The following TMEM161B variants were observed in gnomAD, a reference collection of about 807,000 sequenced individuals.
The protein encoded by TMEM161B is transmembrane protein 161B.
Under a neutral mutation model 61.8 loss-of-function variants are expected in TMEM161B, and 34 were observed. The observed-to-expected ratio is 0.55, with a 90% CI of 0.42 to 0.73. The LOEUF is 0.73. TMEM161B is among the 30% of genes least tolerant of loss of function. The pLI, the probability that TMEM161B is intolerant of heterozygous loss-of-function variation, is 0.00. For missense variants in TMEM161B, 456 were observed against 558.5 expected (o/e 0.82, Z 1.85); for synonymous variants, 167 against 192.8 (o/e 0.87, Z 1.11).
intron 5 of TMEM161B, among the ~76,000 whole-genome samples, chr5:88,213,730 T>C (rs531977204): frequency 6.6e-6 from 1 of 152,288 alleles, no homozygotes; most frequent in South Asian, 2.1e-4. Flanking sequence ...CTCTAGATTT[T>C]TGTCTTGAAA....
downstream of TMEM161B, among the ~76,000 whole-genome samples, chr5:88,191,363 T>C (rs1748831390): frequency 6.6e-6 from 1 of 152,214 alleles, no homozygotes; most frequent in Non-Finnish European, 1.5e-5. Flanking sequence ...TCTTAATTTA[T>C]TGTCTGCATT....
At chr5:88,244,384 T>C (rs1335804767) in intron 1 of TMEM161B, among the ~76,000 whole-genome samples, 1 of 151,680 alleles carries the variant, frequency 6.6e-6, no homozygotes, top group Non-Finnish European at 1.5e-5. Flanking sequence ...CGATTTACTG[T>C]GCAGGAAATC....
At chr5:88,194,465 G>T (rs1428983249), downstream of TMEM161B, among the ~76,000 whole-genome samples, 1 of 152,004 alleles carries the variant, frequency 6.6e-6, no homozygotes, top group African/African-American at 2.4e-5. Flanking sequence ...ATGAGTGCAG[G>T]TCTCTTTTTG....
At position 88,257,635 on chromosome 5, in the gene TMEM161B, C is replaced by A. The variant is rs569093064; in HGVS notation, c.3+11086G>T. On this transcript the variant is annotated intron_variant, in intron 1 of 11. Coordinates refer to ENST00000296595, the MANE Select transcript of TMEM161B (RefSeq NM_153354.5). Reference sequence around the variant, plus strand: ...AAACAGATCATGTTGTCTATGATTGCAATATTTTAGCTAAATACACAATTA... The same window carrying A: ...AAACAGATCATGTTGTCTATGATTGAAATATTTTAGCTAAATACACAATTA... Among the ~76,000 whole-genome samples, 3 of 152,264 alleles carry A rather than the reference C, an allele frequency of 2.0e-5. No homozygotes were observed. The South Asian group carries it at 6.2e-4, about 32-fold the overall frequency.
At position 88,268,718 on chromosome 5, in the gene TMEM161B, C is replaced by T. The variant is rs749699800; in HGVS notation, c.3+3G>A. The T allele has an allele frequency of 2.4e-5, 39 of 1,614,150 alleles. No homozygotes were observed. The highest frequency in any genetic ancestry group is 3.2e-5 in the Non-Finnish European group (38 of 1,180,012). On this transcript the variant is annotated splice_donor_region_variant and intron_variant, in intron 1 of 11. Transcript: ENST00000296595. ...TCACTCCTGCCCTCACAGAAGAACTCACCATGGCGCCTAGGATAGGTCGTG... is the reference window on the plus strand; with the variant it reads ...TCACTCCTGCCCTCACAGAAGAACTTACCATGGCGCCTAGGATAGGTCGTG...
At chr5:88,241,158 T>C (rs894091687) in intron 1 of TMEM161B, among the ~76,000 whole-genome samples, 2 of 151,782 alleles carry the variant, frequency 1.3e-5, no homozygotes, top group Non-Finnish European at 2.9e-5. Flanking sequence ...AAATAGAGTA[T>C]AACTATTAAC....
At chr5:88,201,907 C>A in intron 9 of TMEM161B, 1 of 219,826 alleles carries the variant, frequency 4.5e-6, no homozygotes, top group Non-Finnish European at 9.5e-6. Context: ...ATATATATTC[C>A]AAGACAAACT....
chr5:88,249,855 G>T (rs1443141719), intron 1 of TMEM161B, among the ~76,000 whole-genome samples: 4 of 152,102 alleles, frequency 2.6e-5, no homozygotes, highest in Non-Finnish European at 5.9e-5. Context: ...GACCAAGGGA[G>T]TATCCCCACG....
intron 2 of TMEM161B, among the ~76,000 whole-genome samples, chr5:88,240,545 A>G (rs542140023): frequency 1.0e-3 from 154 of 151,950 alleles, no homozygotes; most frequent in Non-Finnish European, 1.8e-3. Flanking sequence ...TAAGAGTAAT[A>G]AGGAAGCTAT....
At chr5:88,246,866 A>G (rs1016242564) in intron 1 of TMEM161B, among the ~76,000 whole-genome samples, 5 of 152,048 alleles carry the variant, frequency 3.3e-5, no homozygotes, top group African/African-American at 7.2e-5. Context: ...CAAACACACA[A>G]CCATATGGGT....
rs1749587478 is a variant in TMEM161B at position 88,196,144 on chromosome 5, G to A, written c.*67C>T. The A allele has an allele frequency of 2.7e-5, 41 of 1,514,080 alleles. 1 individual carries two copies. In the South Asian group the frequency reaches 4.9e-4, roughly 18 times the overall value. 93.8% of individuals were successfully genotyped at this position (1,514,080 alleles called of 1,614,324 possible). ...ATTTGCTTTCTTCTGGTTTTCATCA[G>A]CCCTTTAAGGGCACAGATATTTTAA... On this transcript the variant is annotated 3_prime_UTR_variant, in exon 12 of 12. Transcript: ENST00000296595.
At chr5:88,206,928 A>T in intron 6 of TMEM161B, 101 bp downstream of exon 6, 1 of 985,698 alleles carries the variant, frequency 1.0e-6, no homozygotes, top group Non-Finnish European at 1.5e-6. Context: ...CTTTAAATTT[A>T]ATTTTAGATA....
chr5:88,201,549 T>C (rs556865533), intron 9 of TMEM161B: 2 of 152,196 alleles, frequency 1.3e-5, no homozygotes, highest in East Asian at 3.9e-4. Flanking sequence ...TATAAGTGTT[T>C]TATAAATGCT....
At chr5:88,247,509 T>TA (rs1366056830) in intron 1 of TMEM161B, among the ~76,000 whole-genome samples, 1 of 151,902 alleles carries the variant, frequency 6.6e-6, no homozygotes, top group Non-Finnish European at 1.5e-5. Context: ...AAAGAGAAAA[T>TA]AAAAAAGAGG....
intron 5 of TMEM161B, among the ~76,000 whole-genome samples, chr5:88,214,368 A>C (rs1747422911): frequency 6.6e-6 from 1 of 152,136 alleles, no homozygotes; most frequent in African/African-American, 2.4e-5. Flanking sequence ...CTCTTTGTAG[A>C]ATAGCTTTCT....
At chr5:88,217,570 G>T (rs1348040555) in intron 5 of TMEM161B, among the ~76,000 whole-genome samples, 1 of 151,026 alleles carries the variant, frequency 6.6e-6, no homozygotes, top group East Asian at 1.9e-4. Context: ...GGCGGCAGCG[G>T]TGGGCGAGGG....
At chr5:88,232,336 G>A (rs1203495432) in intron 2 of TMEM161B, among the ~76,000 whole-genome samples, 1 of 152,104 alleles carries the variant, frequency 6.6e-6, no homozygotes, top group East Asian at 1.9e-4. Flanking sequence ...ATAAATTTTA[G>A]CAAGTAGGCA....
intron 6 of TMEM161B, 106 bp downstream of exon 6, chr5:88,206,923 A>C: frequency 1.0e-6 from 1 of 964,258 alleles, no homozygotes; most frequent in Non-Finnish European, 1.5e-6. Flanking sequence ...ATACACTTTA[A>C]ATTTAATTTT....
At chr5:88,255,146 G>A (rs1754803192) in intron 1 of TMEM161B, among the ~76,000 whole-genome samples, 1 of 152,182 alleles carries the variant, frequency 6.6e-6, no homozygotes, top group Admixed American at 6.5e-5. Flanking sequence ...GGAACTGATG[G>A]ACCCAAACTG....
Sources: gnomAD v4.1 joint callset for allele counts (sites outside exome capture counted in the v4.1 genomes callset) on GRCh38, gnomAD v4.1.1 for gene constraint, MANE v1.5 for transcripts, NCBI Gene and HGNC (gene_info 2026-07-23, HGNC 2026-07-21) for gene names.